Variants in DMRTB1 observed in about 807,000 individuals in gnomAD.
DMRTB1 encodes the protein doublesex- and mab-3-related transcription factor B1.
A neutral mutation model predicts 25.2 loss-of-function variants in DMRTB1; 9 were observed. The observed-to-expected ratio is 0.36, with a 90% CI of 0.22 to 0.62. The LOEUF (loss-of-function observed/expected upper bound fraction) is 0.62. DMRTB1 is among the 20% of genes least tolerant of loss of function. The pLI, the probability that DMRTB1 is intolerant of heterozygous loss-of-function variation, is 0.71. For missense variants in DMRTB1, 551 were observed against 499.3 expected, an observed-to-expected ratio of 1.10 and a Z score of -0.99; for synonymous variants, 269 against 238.1, an observed-to-expected ratio of 1.13 and a Z score of -1.20.
At position 53,466,734 on chromosome 1, in the gene DMRTB1, T is replaced by C; in HGVS notation, c.*72T>C. On this transcript the variant is annotated 3_prime_UTR_variant, in exon 4 of 4. Coordinates refer to ENST00000371445, the MANE Select transcript of DMRTB1 (RefSeq NM_033067.3). ...AACAGCAACAGTTTTCTTGTCTTCA[T>C]TCAGTGATATGTAGGGAGGAAGGAG... is the stretch of plus-strand genomic sequence containing the variant. 3.4e-6 allele frequency: 5 copies of C among 1,469,850 alleles called. No individual in the cohort carries two copies. The highest frequency in any genetic ancestry group is 4.7e-6 in the Non-Finnish European group (5 of 1,053,674). The allele number at this position is 1,469,850 out of a possible 1,614,324, so 91.1% of individuals were successfully genotyped here.
chr1:53,464,602 C>G, intron 2 of DMRTB1, 35 bp from the exon 3 acceptor site: 1 of 1,612,040 alleles, frequency 6.2e-7, no homozygotes. Flanking sequence ...CTAACTCTCT[C>G]TCCTCTCCGC....
intron 3 of DMRTB1, among the ~76,000 whole-genome samples, chr1:53,465,269 G>A (rs1644044906): frequency 6.6e-6 from 1 of 152,200 alleles, no homozygotes; most frequent in African/African-American, 2.4e-5. Context: ...AGAGACTGGA[G>A]CAGCAGCAGG....
Position 53,459,935 on chromosome 1 carries a change from C to T in DMRTB1, c.482C>T (p.Pro161Leu), listed in dbSNP as rs763349235. ...GCGATGCCCAGCCTTGCGGGACCCCCTTTTGGGGCGGAGGCCGCAGGCAGT... is the reference window on the plus strand; with the variant it reads ...GCGATGCCCAGCCTTGCGGGACCCCTTTTTGGGGCGGAGGCCGCAGGCAGT... ...AVAMPSLAGPPFGAEAAGSGY... is the reference protein window; with the variant it reads ...AVAMPSLAGPLFGAEAAGSGY... Residue 161 changes from proline to leucine, a missense_variant, in exon 1 of 4, where the codon CCT becomes CTT. By Grantham distance (98) the Pro-to-Leu change is moderately conservative. Transcript: ENST00000371445. 7 of 1,565,930 alleles carry T rather than the reference C, an allele frequency of 4.5e-6. No individual in the cohort carries two copies. The African/African-American group carries it at 6.9e-5, about 16-fold the overall frequency.
rs1484316502 is a variant in DMRTB1, at chr1:53,459,984, G to C, written c.531G>C (p.Leu177=). Residue 177 remains leucine (L), a synonymous_variant, in exon 1 of 4, where the codon CTG becomes CTC. Transcript: ENST00000371445. The part of the protein sequence containing the change: ...AGSGYPGPLD[L]RRPMRTVPGP... ...GTGGCTACCCTGGCCCCCTAGACCT[G>C]CGCAGGCCGATGCGGACCGTGCCCG... 1 of 1,585,646 alleles carries C rather than the reference G, an allele frequency of 6.3e-7. No homozygotes were observed. The highest frequency in any genetic ancestry group is 1.7e-5 in the Admixed American group (1 of 59,308).
At chr1:53,460,951 T>C (rs1354464188) in intron 1 of DMRTB1, among the ~76,000 whole-genome samples, 1 of 152,206 alleles carries the variant, frequency 6.6e-6, no homozygotes, top group African/African-American at 2.4e-5. Context: ...GTCACAGGCC[T>C]GAAACTGCAG....
chr1:53,466,657 G>T lies in DMRTB1; in HGVS notation c.1024G>T (p.Asp342Tyr). The T allele has an allele frequency of 6.2e-7, 1 of 1,614,204 alleles. No homozygotes were observed. Among genetic ancestry groups the T allele is most frequent in the South Asian group, 1.1e-5 (1 of 91,084 alleles). ...CCAGCCATCGTCTCAGGAGCAGTCC[G>T]ACTAGGCCCCAGGCCCGCCCTCCTG... ...PSQPSSQEQS[D>Y] Residue 342 changes from aspartate (D) to tyrosine (Y), a missense_variant, in exon 4 of 4, where the codon GAC becomes TAC. Transcript: ENST00000371445.
At chr1:53,460,150 T>C (rs970689675) in intron 1 of DMRTB1, 120 bp downstream of exon 1, 4 of 1,313,598 alleles carry the variant, frequency 3.0e-6, no homozygotes, top group African/African-American at 3.1e-5. Flanking sequence ...TAACGGACCT[T>C]CCGCTTTGAG....
rs975403508 is a variant in DMRTB1, at chr1:53,466,784, T to G, written c.*122T>G. On this transcript the variant is annotated 3_prime_UTR_variant, in exon 4 of 4. Transcript: ENST00000371445. Reference sequence around the variant, plus strand: ...GGTTGATAGCATAGATGGCAACTGATTCCCAGTTTAAGATAGGAGGAAGGA... The same window carrying G: ...GGTTGATAGCATAGATGGCAACTGAGTCCCAGTTTAAGATAGGAGGAAGGA... 27 of 978,294 alleles carry G rather than the reference T, an allele frequency of 2.8e-5. No homozygotes were observed. The African/African-American group carries it at 3.7e-4, about 14-fold the overall frequency. The allele number at this position is 978,294 out of a possible 1,614,324, so 60.6% of individuals were successfully genotyped here.
chr1:53,461,281 C>T (rs1644020667), intron 1 of DMRTB1, among the ~76,000 whole-genome samples, 192 bp from the exon 2 acceptor site: 1 of 152,208 alleles, frequency 6.6e-6, no homozygotes, highest in African/African-American at 2.4e-5. Flanking sequence ...GCTTGATGGC[C>T]GTGCTGAGGA....
rs376221694 is a variant in DMRTB1, at chr1:53,464,089, GC to G, written c.751-542del. Among the ~76,000 whole-genome samples the G allele has an allele frequency of 2.2e-3, 328 of 152,232 alleles. 1 individual carries two copies. Among genetic ancestry groups the G allele is most frequent in the African/African-American group, 7.5e-3 (313 of 41,550 alleles). ...ACATTGCCAACCTCTTCTCCCAAAGGCCCCCCTGGCACTTGAGTTTAAGTCA... is the reference window on the plus strand; with the variant it reads ...ACATTGCCAACCTCTTCTCCCAAAGGCCCCCTGGCACTTGAGTTTAAGTCA... On this transcript the variant is annotated intron_variant, in intron 2 of 3. Coordinates refer to ENST00000371445, the MANE Select transcript of DMRTB1 (RefSeq NM_033067.3).
intron 2 of DMRTB1, among the ~76,000 whole-genome samples, chr1:53,462,145 A>G (rs1644026408): frequency 6.6e-6 from 1 of 152,230 alleles, no homozygotes; most frequent in Non-Finnish European, 1.5e-5. Flanking sequence ...TTGACACCTT[A>G]GGAAATACCT....
Position 53,461,403 on chromosome 1 carries a change from G to A in DMRTB1, c.578-70G>A. Reference sequence around the variant, plus strand: ...GGACGGCAGCGCTGATGACCCCGCCGCCCTGGGCCGCCCTGCGGATGCTTT... The same window carrying A: ...GGACGGCAGCGCTGATGACCCCGCCACCCTGGGCCGCCCTGCGGATGCTTT... On this transcript the variant is annotated intron_variant, in intron 1 of 3. Transcript: ENST00000371445. The A allele has an allele frequency of 5.4e-6, 8 of 1,474,686 alleles. No homozygotes were observed. In the South Asian group the frequency reaches 8.4e-5, roughly 16 times the overall value. 91.4% of individuals were successfully genotyped at this position (1,474,686 alleles called of 1,614,324 possible).
At chr1:53,465,009 C>T (rs1215306017) in intron 3 of DMRTB1, among the ~76,000 whole-genome samples, 162 bp downstream of exon 3, 3 of 152,120 alleles carry the variant, frequency 2.0e-5, no homozygotes, top group Admixed American at 2.0e-4. Context: ...TCCTCCAGTC[C>T]CCATAGGCAC....
At position 53,461,585 on chromosome 1, in the gene DMRTB1, C is replaced by A. The variant is rs544350331; in HGVS notation, c.690C>A (p.Gly230=). ...FPLGYLDAPP[G]VPLQQGFRHV... Reference sequence around the variant, plus strand: ...TGGGCTACCTGGACGCCCCTCCTGGCGTCCCCCTGCAGCAGGGCTTCCGGC... The same window carrying A: ...TGGGCTACCTGGACGCCCCTCCTGGAGTCCCCCTGCAGCAGGGCTTCCGGC... The change falls in exon 2 of 4, where the codon GGC becomes GGA. Residue 230 remains glycine, a synonymous_variant. Transcript: ENST00000371445. 53 of 1,610,758 alleles carry A rather than the reference C, an allele frequency of 3.3e-5. 1 individual carries two copies. In the South Asian group the frequency reaches 5.4e-4, roughly 16 times the overall value.
In DMRTB1 at chr1:53,464,803, C is replaced by T; in HGVS notation, c.917C>T (p.Ser306Phe). 2 of 1,613,474 alleles carry T rather than the reference C, an allele frequency of 1.2e-6. No individual in the cohort carries two copies. The highest frequency in any genetic ancestry group is 1.7e-6 in the Non-Finnish European group (2 of 1,179,566). The part of the protein sequence containing the change: ...PPPPPPPPPS[S>F]FSLTVLFDTD... ...CCACCGCCACCACCACCTCCATCAT[C>T]TTTCTCACTGACCGTCCTGTTTGAT... The change falls in exon 3 of 4, where the codon TCT (serine) becomes TTT (phenylalanine). Residue 306 changes from serine to phenylalanine, a missense_variant. Transcript: ENST00000371445.
In DMRTB1 at chr1:53,460,136, C is replaced by G. The variant is rs112065658; in HGVS notation, c.577+106C>G. On this transcript the variant is annotated intron_variant, in intron 1 of 3. Transcript: ENST00000371445. Reference sequence around the variant, plus strand: ...TTCGGGGTGGAGAGAAGTTTTTCCACGGGTAACGGACCTTCCGCTTTGAGA... The same window carrying G: ...TTCGGGGTGGAGAGAAGTTTTTCCAGGGGTAACGGACCTTCCGCTTTGAGA... The G allele has an allele frequency of 4.1e-5, 56 of 1,371,352 alleles. 1 individual carries two copies. The African/African-American group carries it at 5.2e-4, about 13-fold the overall frequency. 84.9% of individuals were successfully genotyped at this position (1,371,352 alleles called of 1,614,324 possible).
chr1:53,460,021 AC>A lies in DMRTB1; in HGVS notation c.570del (p.Asp191ThrfsTer6). 1 of 1,578,702 alleles carries A rather than the reference AC, an allele frequency of 6.3e-7. No homozygotes were observed. Among genetic ancestry groups the A allele is most frequent in the Non-Finnish European group, 8.5e-7 (1 of 1,171,256 alleles). On this transcript the variant is annotated frameshift_variant, in exon 1 of 4. Coordinates refer to ENST00000371445, the MANE Select transcript of DMRTB1 (RefSeq NM_033067.3). LOFTEE classifies it high-confidence loss of function. ...PMRTVPGPLFTDFVRPLNINP... is the reference protein window; with the variant it reads ...PMRTVPGPLFXDFVRPLNINP... ...GCGGACCGTGCCCGGCCCACTGTTC[AC>A]CGACTTTGGTAAGTCGTGGCCTTGG...
chr1:53,461,342 C>T, intron 1 of DMRTB1, 131 bp from the exon 2 acceptor site: 4 of 931,582 alleles, frequency 4.3e-6, no homozygotes, highest in Non-Finnish European at 6.1e-6. Context: ...AGTGAGGGCC[C>T]AGCGGAAGGA....
intron 2 of DMRTB1, among the ~76,000 whole-genome samples, chr1:53,462,540 T>A (rs1366317701): frequency 6.6e-6 from 1 of 152,228 alleles, no homozygotes; most frequent in South Asian, 2.1e-4. Context: ...TTTCCACTGA[T>A]TCAAGGGAAG....
Sources: allele counts gnomAD v4.1 joint callset (sites outside exome capture counted in the v4.1 genomes callset), GRCh38; gene constraint gnomAD v4.1.1; transcripts MANE v1.5; gene names NCBI Gene and HGNC (gene_info 2026-07-23, HGNC 2026-07-21).